Variants in ZCCHC2 observed in about 807,000 individuals in gnomAD.
ZCCHC2 encodes zinc finger CCHC-type containing 2.
Under a neutral mutation model 103.6 loss-of-function variants are expected in ZCCHC2, and 39 were observed. The observed-to-expected ratio is 0.38, with a 90% CI of 0.29 to 0.49. The LOEUF is 0.49. Ranked by LOEUF, ZCCHC2 falls within the 20% of genes least tolerant of loss-of-function variation. The probability of loss-of-function intolerance (pLI) is 0.96; values close to 1 mark genes in which losing one functional copy is unlikely to be tolerated. For missense variants in ZCCHC2, 1,483 were observed against 1,491.0 expected, an observed-to-expected ratio of 0.99 and a Z score of 0.09; for synonymous variants, 687 against 608.9, an observed-to-expected ratio of 1.13 and a Z score of -1.89.
intron 1 of ZCCHC2, among the ~76,000 whole-genome samples, chr18:62,535,623 A>G (rs970521713): frequency 6.6e-6 from 1 of 152,112 alleles, no homozygotes; most frequent in African/African-American, 2.4e-5. Flanking sequence ...GGAGAAGTGC[A>G]TGTCTCATGT....
chr18:62,549,163 G>A (rs549487000), intron 4 of ZCCHC2, among the ~76,000 whole-genome samples: 8 of 152,154 alleles, frequency 5.3e-5, no homozygotes, highest in African/African-American at 1.9e-4. Context: ...AGCTTGCAGT[G>A]AGCCGAGATC....
chr18:62,556,014 A>C (rs1177211899), intron 5 of ZCCHC2, among the ~76,000 whole-genome samples, 189 bp from the exon 6 acceptor site: 1 of 152,238 alleles, frequency 6.6e-6, no homozygotes, highest in Admixed American at 6.5e-5. Context: ...CTTGCAAATG[A>C]ATTTTGTTAA....
chr18:62,575,160 C>G lies in ZCCHC2; in HGVS notation c.3079C>G (p.Leu1027Val). 1 of 1,614,028 alleles carries G rather than the reference C, an allele frequency of 6.2e-7. No homozygotes were observed. Among genetic ancestry groups the G allele is most frequent in the Non-Finnish European group, 8.5e-7 (1 of 1,179,900 alleles). ...RRCSCGTNGNLQLNSYYYPNP... is the reference protein window; with the variant it reads ...RRCSCGTNGNVQLNSYYYPNP... ...GTGCAGCTGTGGGACCAATGGAAAC[C>G]TTCAGCTAAATAGTTACTATTATCC... Residue 1027 changes from leucine (L) to valine (V), a missense_variant, in exon 13 of 14, where the codon CTT becomes GTT. By Grantham distance (32) the Leu-to-Val change is conservative. Transcript: ENST00000269499.
intron 1 of ZCCHC2, 45 bp downstream of exon 1, chr18:62,524,408 C>A: frequency 7.0e-7 from 1 of 1,429,946 alleles, no homozygotes. Flanking sequence ...CGATCGCTGC[C>A]CCGGCGGCCT....
intron 1 of ZCCHC2, among the ~76,000 whole-genome samples, chr18:62,537,732 A>G (rs1296686794): frequency 1.3e-5 from 2 of 152,232 alleles, no homozygotes; most frequent in Non-Finnish European, 2.9e-5. Flanking sequence ...AATAACTGCT[A>G]TGAACACTGA....
In ZCCHC2 at chr18:62,523,120, C is replaced by G. The variant is rs1457850406; in HGVS notation, c.-305C>G. 1.3e-5 allele frequency: 2 copies of G among 152,338 alleles called. No individual in the cohort carries two copies. The highest frequency in any genetic ancestry group is 2.9e-5 in the Non-Finnish European group (2 of 68,244). The allele number at this position is 152,338 out of a possible 1,614,324, so 9.4% of individuals were successfully genotyped here. A position where few individuals can be genotyped will look rare whatever the true frequency, so the allele number is the denominator to read the frequency against. On this transcript the variant is annotated 5_prime_UTR_variant, in exon 1 of 14. Coordinates refer to ENST00000269499, the MANE Select transcript of ZCCHC2 (RefSeq NM_017742.6). ...AGCGCGGACGGCGGAGAGAGGGAGGCGGAAGGAGGACACCCTCGCTCGCTT... is the reference window on the plus strand; with the variant it reads ...AGCGCGGACGGCGGAGAGAGGGAGGGGGAAGGAGGACACCCTCGCTCGCTT...
At chr18:62,529,705 G>A (rs1422981900) in intron 1 of ZCCHC2, among the ~76,000 whole-genome samples, 1 of 152,188 alleles carries the variant, frequency 6.6e-6, no homozygotes, top group African/African-American at 2.4e-5. Context: ...GGAGAACTCA[G>A]AAACTAAGTC....
At position 62,575,555 on chromosome 18, in the gene ZCCHC2, T is replaced by C. The variant is rs746473236; in HGVS notation, c.3469+5T>C. ...CCATGGAGGCCAATCAACAAGGTAA[T>C]CACAATAACTCCCAGAGGACTTGTT... On this transcript the variant is annotated splice_donor_5th_base_variant and intron_variant, in intron 13 of 13. Transcript: ENST00000269499. 7.5e-6 allele frequency: 12 copies of C among 1,609,960 alleles called. No individual in the cohort carries two copies. The highest frequency in any genetic ancestry group is 1.3e-5 in the African/African-American group (1 of 74,886).
chr18:62,528,128 C>T (rs147162685), intron 1 of ZCCHC2, among the ~76,000 whole-genome samples: 1,876 of 152,306 alleles, frequency 0.012, 26 homozygotes, highest in Non-Finnish European at 0.016. Flanking sequence ...GCTTGACTAA[C>T]AGTACTAATG....
chr18:62,523,903 C>A lies in ZCCHC2; in HGVS notation c.479C>A (p.Pro160Gln). Residue 160 changes from proline to glutamine, a missense_variant, in exon 1 of 14, where the codon CCG becomes CAG. Transcript: ENST00000269499. ...GCCAACGGCCTCTCGGACCCGGGGC[C>A]GCTGGCCGACTTCCGAGAGCCCGCG... ...AKANGLSDPG[P>Q]LADFREPAVR... is the part of the protein sequence containing the mutation. 1 of 1,537,560 alleles carries A rather than the reference C, an allele frequency of 6.5e-7. No individual in the cohort carries two copies. Among genetic ancestry groups the A allele is most frequent in the South Asian group, 1.2e-5 (1 of 83,678 alleles).
At chr18:62,529,778 C>T (rs978959291) in intron 1 of ZCCHC2, among the ~76,000 whole-genome samples, 1 of 152,122 alleles carries the variant, frequency 6.6e-6, no homozygotes, top group Non-Finnish European at 1.5e-5. Context: ...TACATTCTTT[C>T]TCTCAAGTTG....
intron 1 of ZCCHC2, among the ~76,000 whole-genome samples, chr18:62,535,906 A>C (rs909966239): frequency 1.6e-4 from 25 of 152,200 alleles, no homozygotes; most frequent in Non-Finnish European, 3.5e-4. Context: ...GAAGTTAGTG[A>C]CTTTGGTTTT....
chr18:62,567,670 G>A (rs903380633), intron 11 of ZCCHC2, among the ~76,000 whole-genome samples: 1 of 152,032 alleles, frequency 6.6e-6, no homozygotes, highest in Non-Finnish European at 1.5e-5. Context: ...ATGGCCAGGC[G>A]CGGTGGCTCA....
downstream of ZCCHC2, among the ~76,000 whole-genome samples, chr18:62,580,588 C>T (rs1917018804): frequency 2.8e-5 from 2 of 72,594 alleles, no homozygotes; most frequent in African/African-American, 1.3e-4. Context: ...TGGACCCCTC[C>T]CGAGACGGTG....
chr18:62,530,059 CTG>C (rs1364777804), intron 1 of ZCCHC2, among the ~76,000 whole-genome samples: 1 of 152,152 alleles, frequency 6.6e-6, no homozygotes, highest in Admixed American at 6.5e-5. Flanking sequence ...TATATCCAGA[CTG>C]GAGCACTCTT....
At chr18:62,541,864 A>G (rs114903667) in intron 2 of ZCCHC2, among the ~76,000 whole-genome samples, 2,799 of 152,294 alleles carry the variant, frequency 0.018, 85 homozygotes, top group African/African-American at 0.064. Context: ...AGAGTGTTTT[A>G]AAGTTTAATA....
chr18:62,574,094 A>G lies in ZCCHC2; in HGVS notation c.2013A>G (p.Ser671=). Residue 671 remains serine, a synonymous_variant, in exon 13 of 14, where the codon TCA becomes TCG. Coordinates refer to ENST00000269499, the MANE Select transcript of ZCCHC2 (RefSeq NM_017742.6). ...ATTCTGAGGATTCTGGGAATCCATC[A>G]ACAACTAGGTTTACAGGTTACGGTT... ...DSNSEDSGNP[S]TTRFTGYGSV... is the part of the protein sequence containing the mutation. 6.2e-7 allele frequency: 1 copy of G among 1,613,900 alleles called. No homozygotes were observed. Among genetic ancestry groups the G allele is most frequent in the Non-Finnish European group, 8.5e-7 (1 of 1,179,832 alleles).
rs1367400180 is a variant in ZCCHC2 at position 62,562,994 on chromosome 18, A to C, written c.1551-15A>C. On this transcript the variant is annotated splice_polypyrimidine_tract_variant and intron_variant, in intron 8 of 13. Transcript: ENST00000269499. ...AGGGCAGATTTTCACACTTTCATAA[A>C]CTTTTCTTTGGTAGCAATATTGGTA... 5 of 1,597,988 alleles carry C rather than the reference A, an allele frequency of 3.1e-6. No homozygotes were observed. The highest frequency in any genetic ancestry group is 4.3e-6 in the Non-Finnish European group (5 of 1,166,994).
intron 1 of ZCCHC2, among the ~76,000 whole-genome samples, chr18:62,532,506 T>C (rs1914729632): frequency 1.3e-5 from 2 of 152,240 alleles, no homozygotes; most frequent in Non-Finnish European, 2.9e-5. Flanking sequence ...TTTGAGTGAC[T>C]GATGGACCCT....
Sources: gnomAD v4.1 joint callset for allele counts (sites outside exome capture counted in the v4.1 genomes callset) on GRCh38, gnomAD v4.1.1 for gene constraint, MANE v1.5 for transcripts, NCBI Gene and HGNC (gene_info 2026-07-23, HGNC 2026-07-21) for gene names.